The following DCLK2 variants were observed in gnomAD, a reference collection of about 807,000 sequenced individuals.
DCLK2 encodes doublecortin like kinase 2.
Under a neutral mutation model 78.4 loss-of-function variants are expected in DCLK2, and 31 were observed. The ratio of observed to expected loss-of-function variants is 0.40; its 90% CI spans 0.30 to 0.53. DCLK2 has a LOEUF of 0.53. DCLK2 is among the 20% of genes least tolerant of loss of function. The probability of loss-of-function intolerance (pLI) is 0.61; values close to 1 mark genes in which losing one functional copy is unlikely to be tolerated. For missense variants in DCLK2, 872 were observed against 973.7 expected (o/e 0.90, Z 1.39); for synonymous variants, 407 against 374.9 (o/e 1.09, Z -0.99).
At chr4:150,126,939 TC>T (rs1430718652) in intron 2 of DCLK2, among the ~76,000 whole-genome samples, 2 of 152,214 alleles carry the variant, frequency 1.3e-5, no homozygotes, top group Non-Finnish European at 2.9e-5. Context: ...TCTCTCATGA[TC>T]TTTTTGAAGA....
rs189420978 is a variant in DCLK2, at chr4:150,086,763, C to T, written c.421+7315C>T. ...CCTCGTGATCTGCCTGCTTCAGCCTCCCAAAGTGCTGGGATTACAGGCGTG... is the reference window on the plus strand; with the variant it reads ...CCTCGTGATCTGCCTGCTTCAGCCTTCCAAAGTGCTGGGATTACAGGCGTG... On this transcript the variant is annotated intron_variant, in intron 1 of 15. Coordinates refer to ENST00000296550, the MANE Select transcript of DCLK2 (RefSeq NM_001040260.4). Among the ~76,000 whole-genome samples, 1,016 of 152,254 alleles carry T rather than the reference C, an allele frequency of 6.7e-3. 9 individuals carry two copies. The highest frequency in any genetic ancestry group is 0.021 in the African/African-American group (875 of 41,540).
At chr4:150,247,210 G>A (rs1034054357) in intron 12 of DCLK2, among the ~76,000 whole-genome samples, 2 of 151,948 alleles carry the variant, frequency 1.3e-5, no homozygotes, top group Non-Finnish European at 2.9e-5. Context: ...GTGTGTGTGT[G>A]GTAAATATAC....
chr4:150,164,409 A>C (rs1321274675), intron 2 of DCLK2, among the ~76,000 whole-genome samples: 2 of 152,362 alleles, frequency 1.3e-5, no homozygotes, highest in Non-Finnish European at 2.9e-5. Context: ...AAAAGCCTAT[A>C]GCTCATCAGC....
At chr4:150,169,555 G>T (rs2150256405) in intron 2 of DCLK2, among the ~76,000 whole-genome samples, 1 of 152,146 alleles carries the variant, frequency 6.6e-6, no homozygotes, top group South Asian at 2.1e-4. Flanking sequence ...TACTCAGGAG[G>T]CTGAGGCAGG....
intron 2 of DCLK2, among the ~76,000 whole-genome samples, chr4:150,107,923 A>G (rs1731389030): frequency 6.6e-6 from 1 of 152,068 alleles, no homozygotes; most frequent in Non-Finnish European, 1.5e-5. Flanking sequence ...GTGAGCTATG[A>G]TCTCACTACT....
chr4:150,081,712 A>G (rs1295343336), intron 1 of DCLK2, among the ~76,000 whole-genome samples: 4 of 151,894 alleles, frequency 2.6e-5, no homozygotes, highest in East Asian at 1.9e-4. Flanking sequence ...TAAAGAAAAT[A>G]TAGGTACAAT....
rs377590399 is a variant in DCLK2 at position 150,256,138 on chromosome 4, C to A, written c.2192C>A (p.Pro731His). The change falls in exon 16 of 16, where the codon CCT becomes CAT. Residue 731 changes from proline (P) to histidine (H), a missense_variant. Pro to His is a moderately conservative substitution (Grantham distance 77, BLOSUM62 -2). This residue lies in a region of DCLK2 where 219 missense variants were observed against 230.1 expected (regional missense o/e 0.95). Transcript: ENST00000296550. The part of the protein sequence containing the change: ...VPPSVEEIPV[P>H]GEAVPAPTPP... ...CCCTCAGTGGAGGAGATCCCTGTGC[C>A]TGGGGAAGCAGTCCCGGCCCCCACC... 1 of 1,610,746 alleles carries A rather than the reference C, an allele frequency of 6.2e-7. No individual in the cohort carries two copies. The highest frequency in any genetic ancestry group is 1.3e-5 in the African/African-American group (1 of 74,906).
intron 15 of DCLK2, among the ~76,000 whole-genome samples, chr4:150,250,721 G>C (rs578157437): frequency 6.6e-6 from 1 of 151,800 alleles, no homozygotes; most frequent in South Asian, 2.1e-4. Flanking sequence ...CTCTGGGAAG[G>C]TCCTCCTTGT....
At chr4:150,198,769 G>T (rs1212447722) in intron 4 of DCLK2, among the ~76,000 whole-genome samples, 2 of 152,120 alleles carry the variant, frequency 1.3e-5, no homozygotes, top group African/African-American at 4.8e-5. Flanking sequence ...CTGAAGGAAA[G>T]AATTGTGAAA....
chr4:150,161,993 G>A (rs2150245429), intron 2 of DCLK2, among the ~76,000 whole-genome samples: 1 of 152,074 alleles, frequency 6.6e-6, no homozygotes, highest in Non-Finnish European at 1.5e-5. Context: ...ACCTTATTGT[G>A]ACTTTCTTCA....
At chr4:150,180,806 CA>C (rs766304308) in intron 2 of DCLK2, among the ~76,000 whole-genome samples, 3 of 152,238 alleles carry the variant, frequency 2.0e-5, no homozygotes, top group Non-Finnish European at 2.9e-5. Context: ...CCCTTTTCCC[CA>C]AGGCCAGCCA....
At chr4:150,245,011 C>A (rs965408297) in intron 12 of DCLK2, among the ~76,000 whole-genome samples, 1 of 151,172 alleles carries the variant, frequency 6.6e-6, no homozygotes, top group African/African-American at 2.4e-5. Flanking sequence ...GTAAGGATGA[C>A]TAAAAAGAAT....
chr4:150,233,698 C>T (rs1002825929), intron 10 of DCLK2, among the ~76,000 whole-genome samples: 1 of 152,120 alleles, frequency 6.6e-6, no homozygotes, highest in Non-Finnish European at 1.5e-5. Flanking sequence ...TCTTATTCCA[C>T]TATGGTACCC....
At chr4:150,086,742 G>A (rs957218622) in intron 1 of DCLK2, among the ~76,000 whole-genome samples, 2 of 151,956 alleles carry the variant, frequency 1.3e-5, no homozygotes, top group Admixed American at 6.6e-5. Flanking sequence ...TCCTGACCTC[G>A]TGATCTGCCT....
intron 2 of DCLK2, among the ~76,000 whole-genome samples, chr4:150,153,264 T>G (rs1735018876): frequency 6.6e-6 from 1 of 152,104 alleles, no homozygotes; most frequent in South Asian, 2.1e-4. Flanking sequence ...CAGAACCAGA[T>G]TGTGAGGGGC....
At chr4:150,241,829 T>G (rs368693391) in intron 12 of DCLK2, among the ~76,000 whole-genome samples, 1 of 152,140 alleles carries the variant, frequency 6.6e-6, no homozygotes, top group East Asian at 1.9e-4. Flanking sequence ...TGGGGTCTTT[T>G]GTAAGGGCCC....
In DCLK2 at chr4:150,134,663, G is replaced by A. The variant is rs548251467; in HGVS notation, c.756+31851G>A. ...AGTGTTGGAAGTGCCTAGGAAGCAC[G>A]TATAATTGCTTTCTTGCAGCAAAAG... On this transcript the variant is annotated intron_variant, in intron 2 of 15. Coordinates refer to ENST00000296550, the MANE Select transcript of DCLK2 (RefSeq NM_001040260.4). Among the ~76,000 whole-genome samples the A allele has an allele frequency of 2.3e-4, 35 of 152,240 alleles. 1 individual carries two copies. The East Asian group carries it at 6.0e-3, about 26-fold the overall frequency.
intron 2 of DCLK2, among the ~76,000 whole-genome samples, chr4:150,182,553 T>C (rs576193606): frequency 1.1e-4 from 16 of 152,322 alleles, no homozygotes; most frequent in African/African-American, 3.8e-4. Context: ...CAGGCAGATC[T>C]TAGGTCATCG....
chr4:150,131,720 T>A (rs910509152), intron 2 of DCLK2, among the ~76,000 whole-genome samples: 3 of 152,128 alleles, frequency 2.0e-5, no homozygotes, highest in African/African-American at 7.2e-5. Flanking sequence ...GTAGGAGTCC[T>A]AGGGAGACAT....
Sources: gnomAD v4.1 joint callset for allele counts (sites outside exome capture counted in the v4.1 genomes callset) on GRCh38, gnomAD v4.1.1 for gene constraint, gnomAD v4.1.1 regional missense constraint, MANE v1.5 for transcripts, NCBI Gene and HGNC (gene_info 2026-07-23, HGNC 2026-07-21) for gene names.